Variants in RECK observed in about 807,000 individuals in gnomAD.
RECK encodes reversion inducing cysteine rich protein with kazal motifs.
A neutral mutation model predicts 115.1 loss-of-function variants in RECK; 69 were observed. The observed-to-expected ratio is 0.60, with a 90% CI of 0.49 to 0.73. The LOEUF is 0.73. Ranked by LOEUF, RECK falls within the 30% of genes least tolerant of loss-of-function variation. RECK has a pLI of 0.00. For synonymous variants in RECK, 414 were observed against 419.7 expected (o/e 0.99, Z 0.17); for missense variants, 1,047 against 1,203.7 (o/e 0.87, Z 1.93).
intron 10 of RECK, among the ~76,000 whole-genome samples, chr9:36,098,944 G>A (rs1823460500): frequency 6.6e-6 from 1 of 152,168 alleles, no homozygotes; most frequent in Non-Finnish European, 1.5e-5. Flanking sequence ...AAATGTTCTA[G>A]CCCAGGCATG....
chr9:36,081,287 TAAG>T (rs1822679551), intron 7 of RECK, among the ~76,000 whole-genome samples: 1 of 152,172 alleles, frequency 6.6e-6, no homozygotes, highest in Non-Finnish European at 1.5e-5. Flanking sequence ...TGAAGGATAA[TAAG>T]AAACATTTGC....
chr9:36,122,152 GTTTC>G (rs1824484973), intron 20 of RECK, among the ~76,000 whole-genome samples: 1 of 152,184 alleles, frequency 6.6e-6, no homozygotes, highest in African/African-American at 2.4e-5. Context: ...GGGCTCTAGT[GTTTC>G]TTTGTCAGTC....
At chr9:36,112,983 C>G (rs112319855) in intron 16 of RECK, among the ~76,000 whole-genome samples, 99 of 151,996 alleles carry the variant, frequency 6.5e-4, no homozygotes, top group African/African-American at 2.3e-3. Flanking sequence ...ACCTGATAGT[C>G]AGGGGAAATT....
At chr9:36,087,504 T>C (rs1456870891) in intron 8 of RECK, among the ~76,000 whole-genome samples, 190 bp from the exon 9 acceptor site, 2 of 152,070 alleles carry the variant, frequency 1.3e-5, no homozygotes, top group Non-Finnish European at 2.9e-5. Flanking sequence ...AGTTGGGGGC[T>C]AGGGGAGGGA....
rs952405068 is a variant in RECK, at chr9:36,094,986, G to T, written c.1085+3643G>T. ...GAAAATCATAAAAAGTATATTTTCT[G>T]AACACAACAGAATCAAATTGGAAAT... is the stretch of plus-strand genomic sequence containing the variant. On this transcript the variant is annotated intron_variant, in intron 10 of 20. Coordinates refer to ENST00000377966, the MANE Select transcript of RECK (RefSeq NM_021111.3). The surrounding 1 kb of genome is among the most constrained non-coding windows in gnomAD (Gnocchi z 4.1). Among the ~76,000 whole-genome samples, 1 of 152,124 alleles carries T rather than the reference G, an allele frequency of 6.6e-6. No individual in the cohort carries two copies. The highest frequency in any genetic ancestry group is 2.4e-5 in the African/African-American group (1 of 41,428).
At chr9:36,119,031 G>A (rs1824368712) in intron 18 of RECK, 64 bp downstream of exon 18, 1 of 1,472,030 alleles carries the variant, frequency 6.8e-7, no homozygotes, top group African/African-American at 1.4e-5. Context: ...CACCTCCAGA[G>A]AGTGAGTCAT....
chr9:36,093,097 C>T (rs1439958971), intron 10 of RECK, among the ~76,000 whole-genome samples: 1 of 152,124 alleles, frequency 6.6e-6, no homozygotes, highest in Non-Finnish European at 1.5e-5. Flanking sequence ...CCCATAAGGG[C>T]CAAACCTTGG....
At chr9:36,076,160 A>G (rs1822439573) in intron 6 of RECK, among the ~76,000 whole-genome samples, 1 of 152,230 alleles carries the variant, frequency 6.6e-6, no homozygotes, top group Admixed American at 6.5e-5. Context: ...CTCTTCCATG[A>G]CACTGCGTTG....
intron 14 of RECK, among the ~76,000 whole-genome samples, chr9:36,109,480 G>A (rs1426591087): frequency 1.3e-5 from 2 of 152,194 alleles, no homozygotes; most frequent in African/African-American, 2.4e-5. Flanking sequence ...GGAGGAATAC[G>A]ATAGGAGGCA....
chr9:36,045,480 A>G (rs1465060141), intron 1 of RECK, among the ~76,000 whole-genome samples: 1 of 151,970 alleles, frequency 6.6e-6, no homozygotes, highest in African/African-American at 2.4e-5. Flanking sequence ...TGTAATACAC[A>G]CTCAATGCAC....
At chr9:36,072,933 G>A (rs1183041122) in intron 6 of RECK, among the ~76,000 whole-genome samples, 1 of 152,030 alleles carries the variant, frequency 6.6e-6, no homozygotes, top group Non-Finnish European at 1.5e-5. Context: ...AATCAGATTA[G>A]ATTGCGACCT....
At chr9:36,059,290 T>C (rs1167495645) in intron 3 of RECK, among the ~76,000 whole-genome samples, 1 of 151,986 alleles carries the variant, frequency 6.6e-6, no homozygotes. Flanking sequence ...AACCCGTCTC[T>C]ACTAAAAATA....
intron 5 of RECK, among the ~76,000 whole-genome samples, chr9:36,064,799 G>GA (rs1821921754): frequency 6.6e-6 from 1 of 152,004 alleles, no homozygotes; most frequent in East Asian, 1.9e-4. Context: ...CTCATCAGCT[G>GA]GCCTGTTCTA....
chr9:36,055,959 T>G (rs1023540892), intron 2 of RECK, among the ~76,000 whole-genome samples: 1 of 152,194 alleles, frequency 6.6e-6, no homozygotes, highest in Non-Finnish European at 1.5e-5. Flanking sequence ...CCATTCTTTC[T>G]TATCTTTCAT....
intron 1 of RECK, among the ~76,000 whole-genome samples, chr9:36,048,010 A>G (rs1478714740): frequency 2.0e-5 from 3 of 151,354 alleles, no homozygotes; most frequent in African/African-American, 7.3e-5. Context: ...CCTCAATACC[A>G]ATCCTACTTT....
At chr9:36,084,263 C>T (rs1050147658) in intron 8 of RECK, among the ~76,000 whole-genome samples, 17 of 151,948 alleles carry the variant, frequency 1.1e-4, no homozygotes, top group African/African-American at 3.4e-4. Flanking sequence ...CAGGTTCACA[C>T]GCTTGTGATC....
intron 1 of RECK, among the ~76,000 whole-genome samples, chr9:36,048,025 TA>T (rs1184802781): frequency 1.3e-5 from 2 of 150,876 alleles, no homozygotes; most frequent in African/African-American, 4.9e-5. Flanking sequence ...TACTTTTCAA[TA>T]AAAAAAGTTC....
chr9:36,078,676 T>G (rs148136169), intron 6 of RECK, among the ~76,000 whole-genome samples: 51 of 151,932 alleles, frequency 3.4e-4, no homozygotes, highest in African/African-American at 1.1e-3. Context: ...TATCAAATAC[T>G]AGAAAATCAG....
intron 11 of RECK, 50 bp downstream of exon 11, chr9:36,100,593 G>C (rs143937664): frequency 7.3e-7 from 1 of 1,378,744 alleles, no homozygotes; most frequent in African/African-American, 1.4e-5. Flanking sequence ...CAGACCCTCC[G>C]TGATCTCTAG....
Sources: allele counts gnomAD v4.1 joint callset (sites outside exome capture counted in the v4.1 genomes callset), GRCh38; gene constraint gnomAD v4.1.1; non-coding constraint Gnocchi (gnomAD v3.1); transcripts MANE v1.5; gene names NCBI Gene and HGNC (gene_info 2026-07-23, HGNC 2026-07-21).